COL6A5: variants seen among roughly 807,000 people sequenced by gnomAD.
The protein encoded by COL6A5 is collagen type VI alpha 5 chain.
In COL6A5, 48 loss-of-function variants were observed where a neutral mutation model predicts 65.6. The ratio of observed to expected loss-of-function variants is 0.73; its 90% CI spans 0.58 to 0.93. COL6A5 has a LOEUF of 0.93. COL6A5 is among the 40% of genes least tolerant of loss of function. The pLI is 0.00. For missense variants in COL6A5, 914 were observed against 928.3 expected, an observed-to-expected ratio of 0.98 and a Z score of 0.20; for synonymous variants, 291 against 322.8, an observed-to-expected ratio of 0.90 and a Z score of 1.05.
At chr3:130,348,240 A>G (rs1192361842) in intron 1 of COL6A5, among the ~76,000 whole-genome samples, 2 of 152,210 alleles carry the variant, frequency 1.3e-5, no homozygotes, top group Non-Finnish European at 1.5e-5. Flanking sequence ...CCCCACATGC[A>G]TTAGGCATTT....
intron 6 of COL6A5, among the ~76,000 whole-genome samples, chr3:130,389,724 T>C (rs1936327592): frequency 6.6e-6 from 1 of 152,160 alleles, no homozygotes; most frequent in African/African-American, 2.4e-5. Context: ...CTTGGGGTCA[T>C]CATTTTATTC....
intron 7 of COL6A5, among the ~76,000 whole-genome samples, chr3:130,393,070 TTTTTTTTGTG>T (rs768555241): frequency 7.3e-5 from 10 of 137,800 alleles, no homozygotes; most frequent in South Asian, 2.4e-4. Flanking sequence ...TTACAGTGTT[TTTTTTTTGTG>T]TGTGTGTGTG....
In COL6A5 at chr3:130,442,288, C is replaced by T. The variant is rs960863153; in HGVS notation, c.1242-1188C>T. On this transcript the variant is annotated intron_variant, in intron 3 of 7. Transcript: ENST00000512836. ...AAAAAGAAAATCTATGTGAAATAGG[C>T]AGGTTAAGGCACTCCTAAAACAACT... Among the ~76,000 whole-genome samples the T allele has an allele frequency of 1.2e-4, 19 of 152,230 alleles. 1 individual carries two copies. In the South Asian group the frequency reaches 3.9e-3, roughly 32 times the overall value.
intron 7 of COL6A5, among the ~76,000 whole-genome samples, chr3:130,483,176 T>A (rs1284609130): frequency 6.6e-6 from 1 of 152,156 alleles, no homozygotes; most frequent in Non-Finnish European, 1.5e-5. Flanking sequence ...AAGAAAATGC[T>A]GAGAGATTTT....
chr3:130,395,528 G>A (rs1483116591), intron 8 of COL6A5, 63 bp downstream of exon 8: 1 of 1,204,000 alleles, frequency 8.3e-7, no homozygotes, highest in South Asian at 1.4e-5. Context: ...TCCCAAGAGT[G>A]TCTTATGGGC....
At chr3:130,418,980 C>T (rs1278787416) in intron 25 of COL6A5, 49 bp downstream of exon 25, 2 of 1,481,482 alleles carry the variant, frequency 1.3e-6, no homozygotes, top group Non-Finnish European at 1.8e-6. Context: ...GTATTCAGTT[C>T]CAAGGTAAAG....
chr3:130,468,741 A>T, intron 5 of COL6A5, 54 bp from the exon 38 acceptor site: 1 of 1,265,572 alleles, frequency 7.9e-7, no homozygotes. Context: ...TATGACTAGG[A>T]GCTCCAAGCT....
intron 12 of COL6A5, among the ~76,000 whole-genome samples, chr3:130,402,637 C>A (rs572289966): frequency 6.6e-6 from 1 of 152,126 alleles, no homozygotes; most frequent in African/African-American, 2.4e-5. Context: ...GTCAGGAGGG[C>A]CCTTGTGGAG....
At chr3:130,445,149 CT>C (rs1469674025) in intron 4 of COL6A5, among the ~76,000 whole-genome samples, 1 of 152,222 alleles carries the variant, frequency 6.6e-6, no homozygotes, top group African/African-American at 2.4e-5. Context: ...TAATGCCATT[CT>C]GGCAGTGGTG....
intron 4 of COL6A5, among the ~76,000 whole-genome samples, chr3:130,449,675 G>T (rs77628167): frequency 0.033 from 4,952 of 152,220 alleles, 105 homozygotes; most frequent in South Asian, 0.09. Flanking sequence ...CCTTTGTTTA[G>T]AAATTACATT....
At chr3:130,409,218 CA>C in intron 17 of COL6A5, 107 bp from the exon 18 acceptor site, 1 of 752,716 alleles carries the variant, frequency 1.3e-6, no homozygotes, top group Non-Finnish European at 2.1e-6. Context: ...TGTGATAGGA[CA>C]AAGAGCATTT....
At chr3:130,379,580 T>G (rs1449451661) in exon 4 of COL6A5, 5 of 1,551,466 alleles carry the variant, frequency 3.2e-6, no homozygotes, top group Non-Finnish European at 4.4e-6. Flanking sequence ...CTTGGACTGA[T>G]GAGTTACAGC....
intron 1 of COL6A5, among the ~76,000 whole-genome samples, chr3:130,352,721 T>G (rs930966789): frequency 3.3e-5 from 5 of 152,104 alleles, no homozygotes; most frequent in African/African-American, 1.2e-4. Flanking sequence ...GTAGAAGAAA[T>G]GAGATAATAA....
upstream of COL6A5, chr3:130,431,202 T>C (rs1246435219): frequency 3.0e-6 from 2 of 675,902 alleles, no homozygotes; most frequent in Non-Finnish European, 2.7e-6. Context: ...ACCAATTTCA[T>C]TTTACACAGC....
rs148745655 is a variant in COL6A5 at position 130,402,679 on chromosome 3, G to A, written c.4227+825G>A. Among the ~76,000 whole-genome samples the A allele has an allele frequency of 6.6e-3, 998 of 152,252 alleles. 3 individuals carry two copies. The highest frequency in any genetic ancestry group is 0.012 in the South Asian group (56 of 4,822). The stretch of plus-strand genomic sequence containing the variant: ...TGGGGGTGAATTGTGACTGGGGACA[G>A]GCACTGTGCCTGGGACCAATAATGC... On this transcript the variant is annotated intron_variant and NMD_transcript_variant, in intron 12 of 41. Coordinates refer to the COL6A5 transcript ENST00000312481.
At position 130,391,465 on chromosome 3, in the gene COL6A5, T is replaced by G; in HGVS notation, c.2703T>G (p.Asn901Lys). 1.9e-6 allele frequency: 3 copies of G among 1,551,710 alleles called. No homozygotes were observed. In the Admixed American group the frequency reaches 5.9e-5, roughly 30 times the overall value. ...CTGCCAAGGCTCTCAAGCACGCAAA[T>G]GCCCTGTTTACAGAGGAACATGGCA... The change falls in exon 7 of 42, where the codon AAT becomes AAG. Residue 901 changes from asparagine (N) to lysine (K), a missense_variant and NMD_transcript_variant. Transcript: ENST00000312481.
chr3:130,451,637 G>T (rs1386049570), intron 4 of COL6A5, among the ~76,000 whole-genome samples: 4 of 151,712 alleles, frequency 2.6e-5, no homozygotes, highest in Admixed American at 2.6e-4. Flanking sequence ...GTGTGAGTCG[G>T]GGCTGCAGGA....
At chr3:130,350,619 C>T (rs911500606) in intron 1 of COL6A5, among the ~76,000 whole-genome samples, 2 of 152,156 alleles carry the variant, frequency 1.3e-5, no homozygotes, top group Non-Finnish European at 2.9e-5. Context: ...TGAAGGACCT[C>T]TTCAAGGAGA....
intron 4 of COL6A5, among the ~76,000 whole-genome samples, chr3:130,383,588 A>G (rs1026407367): frequency 2.0e-5 from 3 of 152,018 alleles, no homozygotes; most frequent in Non-Finnish European, 4.4e-5. Context: ...TTTATAGTTC[A>G]TTTCTCAGGG....
Sources: gnomAD v4.1 joint callset for allele counts (sites outside exome capture counted in the v4.1 genomes callset) on GRCh38, gnomAD v4.1.1 for gene constraint, MANE v1.5 for transcripts, NCBI Gene and HGNC (gene_info 2026-07-23, HGNC 2026-07-21) for gene names.